The following THOC7 variants were observed in gnomAD, a reference collection of about 807,000 sequenced individuals.
THOC7 encodes NIF3L1-binding protein 1.
THOC7 carries 22 observed loss-of-function variants against 33.1 expected under a neutral mutation model. The ratio of observed to expected loss-of-function variants is 0.66; its 90% confidence interval spans 0.47 to 0.95. THOC7 has a LOEUF of 0.95. Among genes scored for constraint, THOC7 ranks in the 40% least tolerant of loss-of-function variants. THOC7 has a pLI of 0.00. For synonymous variants in THOC7, 77 were observed against 76.8 expected, an observed-to-expected ratio of 1.00 and a Z score of -0.01; for missense variants, 184 against 245.3, an observed-to-expected ratio of 0.75 and a Z score of 1.67.
intron 1 of THOC7, among the ~76,000 whole-genome samples, chr3:63,851,169 T>C (rs1702013644): frequency 6.6e-6 from 1 of 152,200 alleles, no homozygotes; most frequent in Non-Finnish European, 1.5e-5. Flanking sequence ...AAGTTTTAAA[T>C]GTTTCCAGAG....
intron 1 of THOC7, among the ~76,000 whole-genome samples, chr3:63,857,000 G>A (rs1702128360): frequency 6.6e-6 from 1 of 152,194 alleles, no homozygotes; most frequent in African/African-American, 2.4e-5. Flanking sequence ...TTACAGGCGT[G>A]AGCCACCTTG....
At chr3:63,836,968 A>T (rs1701647165) in intron 4 of THOC7, among the ~76,000 whole-genome samples, 1 of 151,954 alleles carries the variant, frequency 6.6e-6, no homozygotes, top group African/African-American at 2.4e-5. Flanking sequence ...ATATTTTTAG[A>T]TGACTTTAGA....
At chr3:63,837,846 A>G in intron 4 of THOC7, 130 bp downstream of exon 4, 2 of 658,230 alleles carry the variant, frequency 3.0e-6, no homozygotes, top group Middle Eastern at 2.7e-4. Flanking sequence ...AGTTTTAAGG[A>G]ATTAAAATTT....
chr3:63,855,671 G>C (rs1702101560), intron 1 of THOC7, among the ~76,000 whole-genome samples: 1 of 152,168 alleles, frequency 6.6e-6, no homozygotes, highest in African/African-American at 2.4e-5. Flanking sequence ...TCAGAGACAG[G>C]TCAAGGCTTG....
At chr3:63,849,601 C>T (rs529829749) in intron 1 of THOC7, among the ~76,000 whole-genome samples, 27 of 152,180 alleles carry the variant, frequency 1.8e-4, no homozygotes, top group South Asian at 2.1e-4. Flanking sequence ...ATTTAAAAGA[C>T]GGCTATGTAG....
At position 63,834,137 on chromosome 3, in the gene THOC7, G is replaced by A; in HGVS notation, c.610C>T (p.Pro204Ser). The stretch of plus-strand genomic sequence containing the variant: ...GTGGTGGGCAATTAGCCTGTCTATG[G>A]CTTAGGATCTGTTTCCATGCTTGCT... ...QEASMETDPK[P>S] Residue 204 changes from proline (P) to serine (S), a missense_variant, in exon 8 of 8, where the codon CCA becomes TCA. Transcript: ENST00000295899. 6.2e-7 allele frequency: 1 copy of A among 1,613,948 alleles called. No individual in the cohort carries two copies. The highest frequency in any genetic ancestry group is 1.3e-5 in the African/African-American group (1 of 74,982).
chr3:63,863,494 C>G, intron 1 of THOC7: 1 of 1,178,750 alleles, frequency 8.5e-7, no homozygotes, highest in Admixed American at 4.6e-5. Context: ...CGACCACGCT[C>G]CCGGCACACC....
intron 1 of THOC7, chr3:63,861,040 C>T (rs1445182249): frequency 1.3e-5 from 2 of 152,178 alleles, no homozygotes; most frequent in Non-Finnish European, 2.9e-5. Flanking sequence ...ATTAGTAAAA[C>T]AACTCTGACA....
chr3:63,856,723 A>ATT (rs559642524), intron 1 of THOC7, among the ~76,000 whole-genome samples: 12 of 145,508 alleles, frequency 8.2e-5, no homozygotes, highest in Non-Finnish European at 1.7e-4. Flanking sequence ...AGCATTATAG[A>ATT]TTTTTTTTTT....
At chr3:63,863,914 G>T (rs1286790806), upstream of THOC7, 8 of 988,596 alleles carry the variant, frequency 8.1e-6, no homozygotes, top group East Asian at 6.1e-5. Flanking sequence ...GGCGGCGCCC[G>T]CGGCCGCCTG....
chr3:63,837,742 G>C (rs891271366), intron 4 of THOC7, among the ~76,000 whole-genome samples: 8 of 151,834 alleles, frequency 5.3e-5, no homozygotes, highest in African/African-American at 1.9e-4. Context: ...AAAAAAAAGA[G>C]AAAAACAGAA....
At chr3:63,861,978 A>C (rs1702229875) in intron 1 of THOC7, among the ~76,000 whole-genome samples, 1 of 152,070 alleles carries the variant, frequency 6.6e-6, no homozygotes. Flanking sequence ...ATTTGTAGAC[A>C]TGGGGTCTCA....
In THOC7 at chr3:63,835,311, T is replaced by C; in HGVS notation, c.477+13A>G. ...ATAGACAGATCATGAAGGCTAAATA[T>C]ATATGCGAATACCTTATCTTCAACA... On this transcript the variant is annotated intron_variant, in intron 6 of 7. Transcript: ENST00000295899. 1 of 1,613,474 alleles carries C rather than the reference T, an allele frequency of 6.2e-7. No individual in the cohort carries two copies.
intron 3 of THOC7, 21 bp downstream of exon 3, chr3:63,838,351 A>G: frequency 7.1e-7 from 1 of 1,405,358 alleles, no homozygotes; most frequent in Non-Finnish European, 9.8e-7. Context: ...AATTACAGAT[A>G]GAAACATTAA....
At chr3:63,842,075 T>A (rs1027303340) in intron 1 of THOC7, among the ~76,000 whole-genome samples, 6 of 151,982 alleles carry the variant, frequency 3.9e-5, no homozygotes, top group Admixed American at 2.6e-4. Flanking sequence ...TATTAATAGA[T>A]CTAAGAGAGA....
chr3:63,857,603 T>A (rs1269518359), intron 1 of THOC7, among the ~76,000 whole-genome samples: 1 of 152,122 alleles, frequency 6.6e-6, no homozygotes, highest in Middle Eastern at 3.2e-3. Context: ...CTCAAAGCCA[T>A]TAAAACAATT....
upstream of THOC7, chr3:63,863,945 C>G: frequency 7.2e-6 from 1 of 138,468 alleles, no homozygotes; most frequent in South Asian, 2.6e-4. Context: ...TGAGCCGCGC[C>G]GCGCCGCGCC....
At position 63,837,919 on chromosome 3, in the gene THOC7, A is replaced by G. The variant is rs1701668053; in HGVS notation, c.352+57T>C. On this transcript the variant is annotated intron_variant, in intron 4 of 7. Coordinates refer to ENST00000295899, the MANE Select transcript of THOC7 (RefSeq NM_025075.4). Reference sequence around the variant, plus strand: ...TTTACCTCACAACATTAAAAACTGCATGAAAACTGTAGTCAGTAATAATGT... The same window carrying G: ...TTTACCTCACAACATTAAAAACTGCGTGAAAACTGTAGTCAGTAATAATGT... 2.0e-6 allele frequency: 3 copies of G among 1,493,386 alleles called. No individual in the cohort carries two copies. In the African/African-American group the frequency reaches 4.3e-5, roughly 21 times the overall value. The allele number at this position is 1,493,386 out of a possible 1,614,324, so 92.5% of individuals were successfully genotyped here.
intron 2 of THOC7, among the ~76,000 whole-genome samples, chr3:63,838,894 AAAAT>A (rs1407935152): frequency 1.3e-5 from 2 of 152,238 alleles, no homozygotes; most frequent in Admixed American, 6.5e-5. Context: ...GCTATGTTAA[AAAAT>A]AAATAAATAT....
Sources: gnomAD v4.1 joint callset for allele counts (sites outside exome capture counted in the v4.1 genomes callset) on GRCh38, gnomAD v4.1.1 for gene constraint, MANE v1.5 for transcripts, NCBI Gene and HGNC (gene_info 2026-07-23, HGNC 2026-07-21) for gene names.